Variants in DAB1 observed in about 807,000 individuals in gnomAD.
DAB1 encodes the protein DAB adaptor protein 1.
DAB1 carries 15 observed loss-of-function variants against 64.6 expected under a neutral mutation model. The ratio of observed to expected loss-of-function variants is 0.23; its 90% CI spans 0.16 to 0.36. The LOEUF is 0.36. Among genes scored for constraint, DAB1 ranks in the 10% least tolerant of loss-of-function variants. DAB1 has a pLI of 1.00. For synonymous variants in DAB1, 235 were observed against 251.9 expected (o/e 0.93, Z 0.64); for missense variants, 596 against 706.7 (o/e 0.84, Z 1.78).
downstream of DAB1, among the ~76,000 whole-genome samples, chr1:57,823,558 G>T (rs1245088348): frequency 1.3e-5 from 2 of 152,114 alleles, no homozygotes; most frequent in Non-Finnish European, 2.9e-5. Flanking sequence ...TAATCAAGCA[G>T]GATGTGGCTA....
chr1:57,009,301 G>A (rs1646191541), intron 14 of DAB1, among the ~76,000 whole-genome samples: 1 of 152,174 alleles, frequency 6.6e-6, no homozygotes, highest in Non-Finnish European at 1.5e-5. Flanking sequence ...CATTGACTTT[G>A]CTTTCAATAT....
intron 5 of DAB1, among the ~76,000 whole-genome samples, chr1:58,119,125 A>C (rs1473929287): frequency 6.6e-6 from 1 of 152,142 alleles, no homozygotes; most frequent in Non-Finnish European, 1.5e-5. Context: ...GTGAACTACT[A>C]TTTTAATAGT....
intron 9 of DAB1, among the ~76,000 whole-genome samples, chr1:57,032,217 A>G (rs1293253121): frequency 1.3e-5 from 2 of 151,964 alleles, no homozygotes; most frequent in African/African-American, 4.8e-5. Context: ...CCCATTCCCT[A>G]TGTTTTGGCA....
intron 1 of DAB1, among the ~76,000 whole-genome samples, chr1:57,339,157 TA>T (rs1677347390): frequency 6.7e-6 from 1 of 149,894 alleles, no homozygotes; most frequent in Non-Finnish European, 1.5e-5. Context: ...TTTAATTAAT[TA>T]TTATTTTTTT....
intron 2 of DAB1, among the ~76,000 whole-genome samples, chr1:57,195,673 C>T (rs1182560913): frequency 2.6e-5 from 4 of 152,208 alleles, no homozygotes; most frequent in Non-Finnish European, 4.4e-5. Flanking sequence ...CTAAGTCAGA[C>T]CAGCCTTCAT....
intron 6 of DAB1, among the ~76,000 whole-genome samples, chr1:57,758,948 C>T (rs750875671): frequency 3.9e-5 from 6 of 152,094 alleles, no homozygotes; most frequent in East Asian, 1.9e-4. Context: ...CCATCCTCAC[C>T]GGGTTCTTGT....
chr1:58,374,496 G>A (rs1316852587), intron 3 of DAB1, among the ~76,000 whole-genome samples: 1 of 151,826 alleles, frequency 6.6e-6, no homozygotes, highest in Non-Finnish European at 1.5e-5. Context: ...TTGTAGGTAA[G>A]CAGCGTTATT....
At chr1:57,114,589 A>G (rs1194773418) in intron 4 of DAB1, among the ~76,000 whole-genome samples, 1 of 152,238 alleles carries the variant, frequency 6.6e-6, no homozygotes, top group African/African-American at 2.4e-5. Flanking sequence ...TGCTGCATCG[A>G]TTAGCACTTC....
chr1:57,719,677 C>T (rs1647128343), intron 6 of DAB1, among the ~76,000 whole-genome samples: 1 of 152,234 alleles, frequency 6.6e-6, no homozygotes, highest in Non-Finnish European at 1.5e-5. Context: ...TCCCCTTCAC[C>T]TTCCACTATG....
intron 6 of DAB1, among the ~76,000 whole-genome samples, chr1:57,657,943 A>G (rs1009297906): frequency 6.6e-6 from 1 of 152,176 alleles, no homozygotes; most frequent in Non-Finnish European, 1.5e-5. Flanking sequence ...AGATTGATTC[A>G]TTTACCAAGT....
chr1:58,181,535 G>T lies in DAB1; in HGVS notation n.310-30947C>A, dbSNP rs1454414114. ...CTCCTCCTTAATTGCCTTCTTCTGTGTAAGATAGATATTTTCTTCTGTACC... is the reference window on the plus strand; with the variant it reads ...CTCCTCCTTAATTGCCTTCTTCTGTTTAAGATAGATATTTTCTTCTGTACC... On this transcript the variant is annotated intron_variant and non_coding_transcript_variant, in intron 4 of 20. Transcript: ENST00000485760. Among the ~76,000 whole-genome samples, 4 of 152,068 alleles carry T rather than the reference G, an allele frequency of 2.6e-5. No homozygotes were observed. In the East Asian group the frequency reaches 7.7e-4, roughly 29 times the overall value.
intron 4 of DAB1, among the ~76,000 whole-genome samples, chr1:57,102,292 T>G (rs1654750559): frequency 6.6e-6 from 1 of 152,212 alleles, no homozygotes. Flanking sequence ...CCAATCTATA[T>G]TCTTTCAGAA....
chr1:58,496,099 G>C (rs1276932872), intron 3 of DAB1, among the ~76,000 whole-genome samples: 2 of 151,828 alleles, frequency 1.3e-5, no homozygotes, highest in Non-Finnish European at 2.9e-5. Flanking sequence ...ATGTACAAAT[G>C]TATCTTTCCC....
intron 4 of DAB1, among the ~76,000 whole-genome samples, chr1:57,083,962 C>T (rs895345644): frequency 1.3e-5 from 2 of 152,156 alleles, no homozygotes; most frequent in African/African-American, 4.8e-5. Context: ...TGGTAAAGTG[C>T]CTAGCGTTCC....
At chr1:57,816,424 C>G (rs1390367984) in intron 6 of DAB1, among the ~76,000 whole-genome samples, 1 of 152,190 alleles carries the variant, frequency 6.6e-6, no homozygotes, top group Non-Finnish European at 1.5e-5. Flanking sequence ...TAGAACAACA[C>G]ACAGCTCATA....
chr1:58,101,478 G>T (rs1001101868), intron 5 of DAB1, among the ~76,000 whole-genome samples: 1 of 152,114 alleles, frequency 6.6e-6, no homozygotes. Flanking sequence ...GGGTACCTGG[G>T]GGGTAAGGGG....
At chr1:58,050,322 T>C (rs1255443462) in intron 5 of DAB1, among the ~76,000 whole-genome samples, 1 of 152,142 alleles carries the variant, frequency 6.6e-6, no homozygotes, top group African/African-American at 2.4e-5. Flanking sequence ...TATTATTATA[T>C]TTCTTTTTAA....
chr1:57,329,805 A>G (rs1292983435), intron 1 of DAB1, among the ~76,000 whole-genome samples: 1 of 152,236 alleles, frequency 6.6e-6, no homozygotes, highest in Non-Finnish European at 1.5e-5. Context: ...TAACTTTCTG[A>G]ATAGTGAAAA....
At chr1:57,960,507 A>AG (rs1557580030) in intron 5 of DAB1, among the ~76,000 whole-genome samples, 1 of 151,670 alleles carries the variant, frequency 6.6e-6, no homozygotes. Context: ...AAAAAAAAAA[A>AG]GGAAATCTAT....
Sources: gnomAD v4.1 joint callset for allele counts (sites outside exome capture counted in the v4.1 genomes callset) on GRCh38, gnomAD v4.1.1 for gene constraint, MANE v1.5 for transcripts, NCBI Gene and HGNC (gene_info 2026-07-23, HGNC 2026-07-21) for gene names.